The following STPG2 variants were observed in gnomAD, a reference collection of about 807,000 sequenced individuals.
STPG2 encodes sperm tail PG-rich repeat containing 2.
STPG2 carries 56 observed loss-of-function variants against 54.2 expected under a neutral mutation model. That is an observed-to-expected ratio of 1.03 (90% confidence interval 0.83 to 1.29). The LOEUF is 1.29. Among genes scored for constraint, STPG2 ranks in the 50% most tolerant of loss-of-function variants. The probability of loss-of-function intolerance (pLI) is 0.00; values close to 1 mark genes in which losing one functional copy is unlikely to be tolerated. For synonymous variants in STPG2, 200 were observed against 181.8 expected (o/e 1.10, Z -0.81); for missense variants, 596 against 544.9 (o/e 1.09, Z -0.93).
Position 97,559,055 on chromosome 4 carries a change from A to T in STPG2, c.*3T>A. Reference sequence around the variant, plus strand: ...TTTTTTAAGTTTTTGCCATAAATTTATGTCACATTATATCAGCAGCCATTT... The same window carrying T: ...TTTTTTAAGTTTTTGCCATAAATTTTTGTCACATTATATCAGCAGCCATTT... On this transcript the variant is annotated 3_prime_UTR_variant, in exon 11 of 11. Coordinates refer to ENST00000295268, the MANE Select transcript of STPG2 (RefSeq NM_174952.3). The T allele has an allele frequency of 6.3e-7, 1 of 1,598,864 alleles. No homozygotes were observed. Among genetic ancestry groups the T allele is most frequent in the Non-Finnish European group, 8.5e-7 (1 of 1,174,042 alleles).
chr4:97,699,826 G>T (rs575447642), intron 10 of STPG2, among the ~76,000 whole-genome samples: 5 of 152,300 alleles, frequency 3.3e-5, no homozygotes, highest in African/African-American at 4.8e-5. Context: ...AGACGAGGCA[G>T]TGTGGCATCA....
intron 9 of STPG2, among the ~76,000 whole-genome samples, chr4:97,741,421 C>A (rs1471204968): frequency 6.6e-6 from 1 of 151,968 alleles, no homozygotes; most frequent in Non-Finnish European, 1.5e-5. Context: ...TCAGAGTGAA[C>A]AGGCAACCTA....
At chr4:97,616,092 A>ATATATATATGTATG (rs764342142) in intron 10 of STPG2, among the ~76,000 whole-genome samples, 2 of 63,296 alleles carry the variant, frequency 3.2e-5, no homozygotes, top group East Asian at 4.3e-4. Flanking sequence ...ATATATATAT[A>ATATATATATGTATG]TATGTATGTA....
rs190578002 is a variant in STPG2 at position 98,142,474 on chromosome 4, G to T, written c.109+568C>A. On this transcript the variant is annotated intron_variant, in intron 1 of 10. Coordinates refer to ENST00000295268, the MANE Select transcript of STPG2 (RefSeq NM_174952.3). ...TTAAATTATCCATCCCCACTCCACT[G>T]GTCAAAAATATAATTTTTCTTTACA... is the stretch of plus-strand genomic sequence containing the variant. 2.0e-5 allele frequency among the ~76,000 whole-genome samples: 3 copies of T among 151,892 alleles called. No individual in the cohort carries two copies. In the East Asian group the frequency reaches 5.8e-4, roughly 30 times the overall value.
At chr4:97,649,535 A>G (rs1003095781) in intron 10 of STPG2, among the ~76,000 whole-genome samples, 14 of 152,172 alleles carry the variant, frequency 9.2e-5, no homozygotes, top group African/African-American at 3.4e-4. Flanking sequence ...TAGCCAGTAG[A>G]AGCTGAAAAC....
intron 4 of STPG2, among the ~76,000 whole-genome samples, chr4:97,502,469 C>G (rs190809991): frequency 5.9e-5 from 9 of 151,730 alleles, no homozygotes; most frequent in African/African-American, 1.5e-4. Context: ...TGTTGACTTC[C>G]GACTATAAAG....
intron 9 of STPG2, among the ~76,000 whole-genome samples, chr4:97,765,153 A>G (rs962433515): frequency 4.6e-5 from 7 of 152,168 alleles, no homozygotes; most frequent in Admixed American, 3.9e-4. Flanking sequence ...TATATTCAAT[A>G]CAATTGCTGA....
chr4:97,913,733 A>G (rs778346944), intron 8 of STPG2, among the ~76,000 whole-genome samples: 16 of 152,164 alleles, frequency 1.1e-4, no homozygotes, highest in Non-Finnish European at 1.5e-5. Context: ...AAATATCAGA[A>G]TCAATAGGTT....
chr4:97,703,968 T>A (rs1180676769), intron 10 of STPG2, among the ~76,000 whole-genome samples: 1 of 151,812 alleles, frequency 6.6e-6, no homozygotes, highest in African/African-American at 2.4e-5. Context: ...GCAGAAAGCA[T>A]CCAGCATGAG....
At chr4:98,110,640 T>C (rs1442665580) in intron 3 of STPG2, among the ~76,000 whole-genome samples, 1 of 152,166 alleles carries the variant, frequency 6.6e-6, no homozygotes. Flanking sequence ...AATCACCTGC[T>C]GGGCCCTCTT....
chr4:97,576,243 C>T (rs573005458), intron 10 of STPG2, among the ~76,000 whole-genome samples: 65 of 145,300 alleles, frequency 4.5e-4, no homozygotes, highest in African/African-American at 1.5e-3. Context: ...TCATTTTTCA[C>T]GGAATTAGAA....
chr4:97,648,681 C>T (rs1721981739), intron 10 of STPG2, among the ~76,000 whole-genome samples: 1 of 152,070 alleles, frequency 6.6e-6, no homozygotes, highest in Non-Finnish European at 1.5e-5. Context: ...GACAATGGGA[C>T]TCATTTTCTC....
chr4:97,908,762 A>G (rs1431846647), intron 8 of STPG2, among the ~76,000 whole-genome samples: 4 of 151,184 alleles, frequency 2.6e-5, no homozygotes, highest in Admixed American at 2.6e-4. Flanking sequence ...AACTATCGCA[A>G]GAACAAAAAA....
chr4:97,819,820 GT>G lies in STPG2; in HGVS notation c.1204+20952del, dbSNP rs1383458248. Reference sequence around the variant, plus strand: ...TTTGACTTACTATAAAGCAGTATTTGTTCACATAGAGAACACAATGAAAAAA... The same window carrying G: ...TTTGACTTACTATAAAGCAGTATTTGTCACATAGAGAACACAATGAAAAAA... On this transcript the variant is annotated intron_variant, in intron 9 of 10. Coordinates refer to ENST00000295268, the MANE Select transcript of STPG2 (RefSeq NM_174952.3). Among the ~76,000 whole-genome samples, 4 of 151,846 alleles carry G rather than the reference GT, an allele frequency of 2.6e-5. No individual in the cohort carries two copies. In the East Asian group the frequency reaches 7.7e-4, roughly 29 times the overall value.
intron 9 of STPG2, among the ~76,000 whole-genome samples, chr4:97,739,274 A>C (rs1725134352): frequency 6.6e-6 from 1 of 152,198 alleles, no homozygotes; most frequent in Admixed American, 6.5e-5. Context: ...AAGATCCAAA[A>C]TTGACACCCT....
At chr4:97,567,161 T>G (rs1026232707) in intron 10 of STPG2, among the ~76,000 whole-genome samples, 1 of 151,234 alleles carries the variant, frequency 6.6e-6, no homozygotes, top group Non-Finnish European at 1.5e-5. Context: ...CCCAAAACAA[T>G]AGCTTACTTT....
intron 9 of STPG2, among the ~76,000 whole-genome samples, chr4:97,740,297 C>G (rs887910414): frequency 6.6e-6 from 1 of 152,160 alleles, no homozygotes; most frequent in South Asian, 2.1e-4. Flanking sequence ...CCTTTGAAAA[C>G]TGGCACAAGA....
chr4:98,074,758 T>G (rs947599138), intron 5 of STPG2, among the ~76,000 whole-genome samples: 2 of 152,230 alleles, frequency 1.3e-5, no homozygotes, highest in Admixed American at 1.3e-4. Context: ...TTTTATGTAT[T>G]ATAATTACTA....
chr4:97,573,636 C>T (rs1432913799), intron 10 of STPG2, among the ~76,000 whole-genome samples: 2 of 151,836 alleles, frequency 1.3e-5, no homozygotes, highest in Non-Finnish European at 2.9e-5. Flanking sequence ...GAGAAAAAGA[C>T]AATTTAAAAC....
Sources: gnomAD v4.1 joint callset for allele counts (sites outside exome capture counted in the v4.1 genomes callset) on GRCh38, gnomAD v4.1.1 for gene constraint, MANE v1.5 for transcripts, NCBI Gene and HGNC (gene_info 2026-07-23, HGNC 2026-07-21) for gene names.